STK38: variants seen among roughly 807,000 people sequenced by gnomAD.
STK38 encodes the protein serine/threonine kinase 38.
Under a neutral mutation model 59.0 loss-of-function variants are expected in STK38, and 26 were observed. That is an observed-to-expected ratio of 0.44 (90% confidence interval 0.32 to 0.61). The LOEUF is 0.61. Among genes scored for constraint, STK38 ranks in the 20% least tolerant of loss-of-function variants. STK38 has a pLI of 0.04. For synonymous variants in STK38, 175 were observed against 176.6 expected (o/e 0.99, Z 0.07); for missense variants, 433 against 566.0 (o/e 0.76, Z 2.38).
chr6:36,518,864 G>C (rs1454247495), intron 5 of STK38, among the ~76,000 whole-genome samples: 1 of 152,210 alleles, frequency 6.6e-6, no homozygotes, highest in Non-Finnish European at 1.5e-5. Context: ...ATGTTCTGAA[G>C]TAAAACATGT....
rs756141345 is a variant in STK38, at chr6:36,497,866, A to C, written c.1086T>G (p.Cys362Trp). The C allele has an allele frequency of 6.2e-7, 1 of 1,611,234 alleles. No individual in the cohort carries two copies. The highest frequency in any genetic ancestry group is 1.7e-5 in the Admixed American group (1 of 59,062). ...KAKDLILRFC[C>W]EWEHRIGAPG... ...GAGCTCCAATTCTATGTTCCCATTC[A>C]CAGCAGAACCTGGAAAAGACAGAGG... Residue 362 changes from cysteine (C) to tryptophan (W), a missense_variant, in exon 12 of 14, where the codon TGT becomes TGG. Physicochemically the swap from Cys to Trp is radical, Grantham distance 215 (BLOSUM62 -2). This residue lies in a region of STK38 where 136 missense variants were observed against 156.7 expected (regional missense o/e 0.87). Transcript: ENST00000229812.
At chr6:36,498,588 T>TA in intron 10 of STK38, 102 bp from the exon 11 acceptor site, 16 of 1,264,234 alleles carry the variant, frequency 1.3e-5, no homozygotes, top group Non-Finnish European at 1.5e-5. Flanking sequence ...TTTTCTTTTT[T>TA]CTTTTTTTTT....
rs140842091 is a variant in STK38 at position 36,536,659 on chromosome 6, G to A, written c.131+3413C>T. Among the ~76,000 whole-genome samples the A allele has an allele frequency of 7.0e-3, 1,067 of 151,910 alleles. 9 individuals are homozygous for A. The highest frequency in any genetic ancestry group is 0.012 in the Admixed American group (175 of 15,210). The stretch of plus-strand genomic sequence containing the variant: ...AGCGATTCTCCTGCCTCAGCCTCCC[G>A]AGTAGCTGAGATTATAGGCATGCGC... On this transcript the variant is annotated intron_variant, in intron 2 of 13. Coordinates refer to ENST00000229812, the MANE Select transcript of STK38 (RefSeq NM_007271.4).
Position 36,495,826 on chromosome 6 carries a change from A to G in STK38, c.1356T>C (p.Thr452=). 1 of 1,614,088 alleles carries G rather than the reference A, an allele frequency of 6.2e-7. No individual in the cohort carries two copies. The highest frequency in any genetic ancestry group is 1.1e-5 in the South Asian group (1 of 91,080). ...TGTAGGAAGGTATTGCCCCCCTTGC[A>G]GTCAGGCCCTCAAAGCGCTTGTACG... is the stretch of plus-strand genomic sequence containing the variant. The part of the protein sequence containing the change: ...NYTYKRFEGL[T]ARGAIPSYMK... Residue 452 remains threonine, a synonymous_variant, in exon 14 of 14, where the codon ACT becomes ACC. Coordinates refer to ENST00000229812, the MANE Select transcript of STK38 (RefSeq NM_007271.4).
chr6:36,543,999 T>C (rs918225355), intron 1 of STK38, among the ~76,000 whole-genome samples: 2 of 152,214 alleles, frequency 1.3e-5, no homozygotes, highest in Non-Finnish European at 2.9e-5. Flanking sequence ...TAATATTTAG[T>C]AGCTTTTTAA....
intron 7 of STK38, among the ~76,000 whole-genome samples, chr6:36,514,657 G>C (rs1028713429): frequency 5.9e-5 from 9 of 151,964 alleles, no homozygotes; most frequent in African/African-American, 1.9e-4. Context: ...ACGCTTATCT[G>C]CATGTCTAAA....
rs115469153 is a variant in STK38, at chr6:36,514,258, G to C, written c.669+1080C>G. On this transcript the variant is annotated intron_variant, in intron 7 of 13. Transcript: ENST00000229812. ...TTGAACCCAAGAATTAGATTGCAGTGAGCTATAACTGTGCCACTGCACTTC... is the reference window on the plus strand; with the variant it reads ...TTGAACCCAAGAATTAGATTGCAGTCAGCTATAACTGTGCCACTGCACTTC... 6.2e-3 allele frequency among the ~76,000 whole-genome samples: 932 copies of C among 149,332 alleles called. 11 individuals are homozygous for C. Among genetic ancestry groups the C allele is most frequent in the African/African-American group, 0.022 (894 of 40,582 alleles).
intron 7 of STK38, among the ~76,000 whole-genome samples, chr6:36,510,557 C>A (rs1043786204): frequency 6.6e-6 from 1 of 152,236 alleles, no homozygotes; most frequent in Admixed American, 6.5e-5. Flanking sequence ...GCACACAGCC[C>A]TGACCGCACC....
chr6:36,495,807 A>G lies in STK38; in HGVS notation c.1375T>C (p.Ser459Pro), dbSNP rs1776688430. 6.2e-7 allele frequency: 1 copy of G among 1,614,016 alleles called. No homozygotes were observed. The highest frequency in any genetic ancestry group is 1.3e-5 in the African/African-American group (1 of 75,026). The change falls in exon 14 of 14, where the codon TCC becomes CCC. Residue 459 changes from serine to proline, a missense_variant. Physicochemically the swap from Ser to Pro is moderately conservative, Grantham distance 74. Around this residue, in one of 3 missense-constraint regions of STK38, gnomAD observed 136 missense variants for 156.7 expected, o/e 0.87. Transcript: ENST00000229812. ...TACTATTTTGCTGCTTTCATGTAGGAAGGTATTGCCCCCCTTGCAGTCAGG... is the reference window on the plus strand; with the variant it reads ...TACTATTTTGCTGCTTTCATGTAGGGAGGTATTGCCCCCCTTGCAGTCAGG... Reference protein sequence around the residue: ...EGLTARGAIPSYMKAAK With the variant: ...EGLTARGAIPPYMKAAK
rs1776714113 is a variant in STK38 at position 36,496,757 on chromosome 6, G to A, written c.1221C>T (p.Thr407=). 1 of 1,613,592 alleles carries A rather than the reference G, an allele frequency of 6.2e-7. No homozygotes were observed. Among genetic ancestry groups the A allele is most frequent in the Admixed American group, 1.7e-5 (1 of 59,922 alleles). Residue 407 remains threonine, a synonymous_variant, in exon 13 of 14, where the codon ACC becomes ACT. Transcript: ENST00000229812. ...ATTCTGGAAACTCATCGAAGTTTGA[G>A]GTATCATCAATGCTTTTGATTTCAA... The part of the protein sequence containing the change: ...ISIEIKSIDD[T]SNFDEFPESD...
chr6:36,542,670 C>T (rs1446587187), intron 1 of STK38, among the ~76,000 whole-genome samples: 2 of 151,760 alleles, frequency 1.3e-5, no homozygotes, highest in African/African-American at 2.4e-5. Context: ...ATCGGCTGAG[C>T]GCGGTGGCTC....
intron 6 of STK38, among the ~76,000 whole-genome samples, chr6:36,516,096 G>GAAGA (rs1299187464): frequency 6.6e-6 from 1 of 152,188 alleles, no homozygotes; most frequent in Non-Finnish European, 1.5e-5. Flanking sequence ...CTGCCTCCTG[G>GAAGA]AAGAGTACAA....
At chr6:36,527,207 A>AAAAAAAAAATATATATATAT (rs60162863) in intron 2 of STK38, among the ~76,000 whole-genome samples, 3 of 119,350 alleles carry the variant, frequency 2.5e-5, no homozygotes, top group African/African-American at 3.5e-5. Flanking sequence ...AAAAAAAAAA[A>AAAAAAAAAATATATATATAT]ATATATGTAT....
intron 9 of STK38, among the ~76,000 whole-genome samples, chr6:36,502,513 T>G (rs1183300749): frequency 6.6e-6 from 1 of 152,242 alleles, no homozygotes; most frequent in Non-Finnish European, 1.5e-5. Flanking sequence ...ATTTGTATAC[T>G]GCAAGTATCT....
chr6:36,515,548 AC>A, intron 6 of STK38, 56 bp from the exon 7 acceptor site: 3 of 1,602,350 alleles, frequency 1.9e-6, no homozygotes, highest in Non-Finnish European at 2.5e-6. Flanking sequence ...ACACACACAC[AC>A]ACACACAACA....
At chr6:36,527,247 T>C (rs574377623) in intron 2 of STK38, among the ~76,000 whole-genome samples, 1 of 144,920 alleles carries the variant, frequency 6.9e-6, no homozygotes, top group East Asian at 2.0e-4. Flanking sequence ...TATATACACA[T>C]GTATACATAT....
intron 6 of STK38, 26 bp from the exon 7 acceptor site, chr6:36,515,518 CCACACACACACA>C (rs66494457): frequency 1.7e-4 from 255 of 1,538,606 alleles, no homozygotes; most frequent in African/African-American, 7.2e-4. Flanking sequence ...TACAAAGCCA[CCACACACACACA>C]CACACACACA....
At chr6:36,510,081 C>T (rs1777071204) in intron 7 of STK38, among the ~76,000 whole-genome samples, 1 of 152,250 alleles carries the variant, frequency 6.6e-6, no homozygotes, top group South Asian at 2.1e-4. Flanking sequence ...TCAGGCCATC[C>T]CTGGCTTGAA....
At chr6:36,504,697 CA>C in intron 9 of STK38, among the ~76,000 whole-genome samples, 1 of 152,102 alleles carries the variant, frequency 6.6e-6, no homozygotes, top group Middle Eastern at 3.4e-3. Context: ...TATTAAATGA[CA>C]TTTAACTGCA....
Sources: allele counts gnomAD v4.1 joint callset (sites outside exome capture counted in the v4.1 genomes callset), GRCh38; gene constraint gnomAD v4.1.1; regional missense constraint gnomAD v4.1.1; transcripts MANE v1.5; gene names NCBI Gene and HGNC (gene_info 2026-07-23, HGNC 2026-07-21).